CSPP1: variants seen among roughly 807,000 people sequenced by gnomAD.
CSPP1 encodes the protein centrosome and spindle pole-associated protein 1.
A neutral mutation model predicts 164.4 loss-of-function variants in CSPP1; 126 were observed. The ratio of observed to expected loss-of-function variants is 0.77; its 90% CI spans 0.66 to 0.89. The LOEUF (loss-of-function observed/expected upper bound fraction) is 0.89. Among genes scored for constraint, CSPP1 ranks in the 40% least tolerant of loss-of-function variants. The pLI, the probability that CSPP1 is intolerant of heterozygous loss-of-function variation, is 0.00. For missense variants in CSPP1, 1,395 were observed against 1,449.8 expected, an observed-to-expected ratio of 0.96 and a Z score of 0.61; for synonymous variants, 472 against 476.7, an observed-to-expected ratio of 0.99 and a Z score of 0.13.
At chr8:67,107,214 A>G (rs866126100) in intron 9 of CSPP1, among the ~76,000 whole-genome samples, 2 of 151,868 alleles carry the variant, frequency 1.3e-5, no homozygotes, top group South Asian at 2.1e-4. Context: ...TGCCTGGCTA[A>G]TTTTTGTATT....
At chr8:67,071,233 A>C (rs1159257264) in intron 1 of CSPP1, among the ~76,000 whole-genome samples, 1 of 152,136 alleles carries the variant, frequency 6.6e-6, no homozygotes, top group Non-Finnish European at 1.5e-5. Flanking sequence ...AGTTCAGGGG[A>C]TACTTTTTTT....
Position 67,116,036 on chromosome 8 carries a change from C to T in CSPP1, c.1410C>T (p.Pro470=). Residue 470 remains proline (P), a synonymous_variant, in exon 13 of 31, where the codon CCC becomes CCT. Transcript: ENST00000678616. The part of the protein sequence containing the change: ...LPPLSAPSVP[P]IPSVHPVPSQ... ...CTTTATCTGCCCCATCTGTCCCACC[C>T]ATCCCATCAGTTCATCCTGTTCCTT... is the stretch of plus-strand genomic sequence containing the variant. 2.5e-6 allele frequency: 4 copies of T among 1,614,100 alleles called. No homozygotes were observed. Among genetic ancestry groups the T allele is most frequent in the Non-Finnish European group, 3.4e-6 (4 of 1,179,934 alleles).
In CSPP1 at chr8:67,195,601, C is replaced by A; in HGVS notation, c.*8C>A. 6.2e-7 allele frequency: 1 copy of A among 1,610,752 alleles called. No individual in the cohort carries two copies. Among genetic ancestry groups the A allele is most frequent in the Non-Finnish European group, 8.5e-7 (1 of 1,177,134 alleles). ...TCGACTGCACATGGTTAAAATAAACCTGTACTGGACCCAGTAGTGCCTTTT... is the reference window on the plus strand; with the variant it reads ...TCGACTGCACATGGTTAAAATAAACATGTACTGGACCCAGTAGTGCCTTTT... On this transcript the variant is annotated 3_prime_UTR_variant, in exon 31 of 31. Transcript: ENST00000678616.
At chr8:67,102,952 C>G in intron 7 of CSPP1, 85 bp from the exon 8 acceptor site, 1 of 706,672 alleles carries the variant, frequency 1.4e-6, no homozygotes, top group Non-Finnish European at 2.5e-6. Context: ...TTTAATGTTG[C>G]CAACATCAAA....
In CSPP1 at chr8:67,095,554, T is replaced by C. The variant is rs1437398516; in HGVS notation, c.745T>C (p.Phe249Leu). The change falls in exon 7 of 31, where the codon TTT becomes CTT. Residue 249 changes from phenylalanine to leucine, a missense_variant. Phe to Leu is a conservative substitution (Grantham distance 22). Coordinates refer to ENST00000678616, the MANE Select transcript of CSPP1 (RefSeq NM_001382391.1). ...CATTTCCAACCTAAAACATCAAAGG[T>C]TTGCAAGCAAGGCTGGCATTCCAGA... ...VGISNLKHQRFASKAGIPDRR... is the reference protein window; with the variant it reads ...VGISNLKHQRLASKAGIPDRR... 1.2e-6 allele frequency: 2 copies of C among 1,613,218 alleles called. No individual in the cohort carries two copies. Among genetic ancestry groups the C allele is most frequent in the Admixed American group, 3.3e-5 (2 of 59,900 alleles).
chr8:67,174,953 C>T (rs1304530661), intron 25 of CSPP1: 1 of 227,220 alleles, frequency 4.4e-6, no homozygotes, highest in Middle Eastern at 1.8e-3. Context: ...TAGTCATAGC[C>T]ATGTGACCAT....
chr8:67,094,923 T>C (rs1350984054), intron 6 of CSPP1, among the ~76,000 whole-genome samples: 1 of 152,208 alleles, frequency 6.6e-6, no homozygotes, highest in East Asian at 1.9e-4. Context: ...AAATGGATCA[T>C]ACAGGATATA....
chr8:67,157,281 G>A (rs1826848049), intron 19 of CSPP1, among the ~76,000 whole-genome samples: 1 of 151,992 alleles, frequency 6.6e-6, no homozygotes, highest in Admixed American at 6.6e-5. Context: ...ATCATAGGAT[G>A]TGTTAGAAGA....
At chr8:67,113,913 C>T (rs746636487) in intron 11 of CSPP1, 51 bp downstream of exon 11, 2 of 1,089,070 alleles carry the variant, frequency 1.8e-6, no homozygotes, top group South Asian at 1.4e-5. Flanking sequence ...AAATGATCCT[C>T]AAATGTGGTG....
intron 15 of CSPP1, among the ~76,000 whole-genome samples, chr8:67,129,412 T>C (rs553354309): frequency 3.1e-4 from 47 of 152,298 alleles, no homozygotes; most frequent in African/African-American, 1.1e-3. Flanking sequence ...ATGAAAGTTT[T>C]CACAGAATTA....
chr8:67,096,528 G>A (rs999821905), intron 7 of CSPP1, among the ~76,000 whole-genome samples: 2 of 151,556 alleles, frequency 1.3e-5, no homozygotes, highest in Admixed American at 6.6e-5. Flanking sequence ...TCACGCCACT[G>A]CGCTCCAGCC....
rs755591514 is a variant in CSPP1 at position 67,091,777 on chromosome 8, T to A, written c.304-26T>A. The stretch of plus-strand genomic sequence containing the variant: ...ATTTTATAAAGGCAATTAGGTAATA[T>A]ATTTTTTTAATGTGTATATATACAG... On this transcript the variant is annotated intron_variant, in intron 4 of 30. Coordinates refer to ENST00000678616, the MANE Select transcript of CSPP1 (RefSeq NM_001382391.1). The A allele has an allele frequency of 8.2e-6, 7 of 849,338 alleles. No individual in the cohort carries two copies. In the African/African-American group the frequency reaches 1.1e-4, roughly 13 times the overall value. The allele number at this position is 849,338 out of a possible 1,614,324, so 52.6% of individuals were successfully genotyped here.
chr8:67,150,306 G>C (rs1825465063), intron 18 of CSPP1, among the ~76,000 whole-genome samples: 1 of 152,050 alleles, frequency 6.6e-6, no homozygotes. Flanking sequence ...CAGTATCATT[G>C]TGATATGATA....
intron 28 of CSPP1, among the ~76,000 whole-genome samples, chr8:67,187,679 G>C (rs1305791584): frequency 6.6e-6 from 1 of 152,054 alleles, no homozygotes; most frequent in Non-Finnish European, 1.5e-5. Context: ...GAAAGACCTT[G>C]TCTCAAAAAA....
chr8:67,176,288 T>A (rs1233134037), intron 26 of CSPP1, among the ~76,000 whole-genome samples: 1 of 152,194 alleles, frequency 6.6e-6, no homozygotes, highest in Non-Finnish European at 1.5e-5. Flanking sequence ...CTGCTAGTTA[T>A]TTTTAAGAAA....
At chr8:67,107,983 G>GTTTTTTT (rs34204898) in intron 9 of CSPP1, among the ~76,000 whole-genome samples, 46 of 127,128 alleles carry the variant, frequency 3.6e-4, no homozygotes, top group African/African-American at 7.8e-4. Context: ...CTTTGACAAA[G>GTTTTTTT]TTTTTTTTTT....
Position 67,195,825 on chromosome 8 carries a change from A to G in CSPP1, c.*232A>G. On this transcript the variant is annotated 3_prime_UTR_variant, in exon 31 of 31. Coordinates refer to ENST00000678616, the MANE Select transcript of CSPP1 (RefSeq NM_001382391.1). ...TTTTTGCACAGTTTTGTCATAAATTAGGGTGGTAATGAACTGGATTGAACT... is the reference window on the plus strand; with the variant it reads ...TTTTTGCACAGTTTTGTCATAAATTGGGGTGGTAATGAACTGGATTGAACT... 4.1e-6 allele frequency: 2 copies of G among 483,856 alleles called. No homozygotes were observed. The highest frequency in any genetic ancestry group is 7.0e-5 in the Admixed American group (2 of 28,440). The allele number at this position is 483,856 out of a possible 1,614,324, so 30.0% of individuals were successfully genotyped here.
intron 9 of CSPP1, among the ~76,000 whole-genome samples, chr8:67,109,888 G>A (rs1816465559): frequency 6.6e-6 from 1 of 152,118 alleles, no homozygotes. Flanking sequence ...CTCTGTAGGA[G>A]TTTGAGTAAC....
intron 27 of CSPP1, among the ~76,000 whole-genome samples, chr8:67,178,401 A>G (rs1190294309): frequency 1.3e-5 from 2 of 152,252 alleles, no homozygotes; most frequent in Non-Finnish European, 2.9e-5. Flanking sequence ...ATTATTTCCT[A>G]TGGACAAGAA....
Sources: allele counts gnomAD v4.1 joint callset (sites outside exome capture counted in the v4.1 genomes callset), GRCh38; gene constraint gnomAD v4.1.1; transcripts MANE v1.5; gene names NCBI Gene and HGNC (gene_info 2026-07-23, HGNC 2026-07-21).